Variants in ROBO1 observed in about 807,000 individuals in gnomAD.
The protein encoded by ROBO1 is roundabout homolog 1.
Under a neutral mutation model 195.9 loss-of-function variants are expected in ROBO1, and 149 were observed. That is an observed-to-expected ratio of 0.76 (90% CI 0.67 to 0.87). The LOEUF (loss-of-function observed/expected upper bound fraction) is 0.87. Ranked by LOEUF, ROBO1 falls within the 40% of genes least tolerant of loss-of-function variation. The pLI is 0.00. For synonymous variants in ROBO1, 816 were observed against 733.2 expected (o/e 1.11, Z -1.82); for missense variants, 1,933 against 2,068.3 (o/e 0.93, Z 1.27).
intron 3 of ROBO1, among the ~76,000 whole-genome samples, chr3:79,074,721 A>C (rs901699786): frequency 6.6e-6 from 1 of 151,626 alleles, no homozygotes; most frequent in Non-Finnish European, 1.5e-5. Context: ...GGGCCATTGC[A>C]CCTGGGAACA....
intron 4 of ROBO1, among the ~76,000 whole-genome samples, chr3:78,900,962 C>G (rs1282804725): frequency 6.6e-6 from 1 of 152,032 alleles, no homozygotes; most frequent in Non-Finnish European, 1.5e-5. Context: ...TCTCATCTGT[C>G]TCTTTCTCAT....
At chr3:79,074,592 T>C (rs1388694665) in intron 3 of ROBO1, among the ~76,000 whole-genome samples, 1 of 151,214 alleles carries the variant, frequency 6.6e-6, no homozygotes, top group Admixed American at 6.6e-5. Context: ...TCATTATTAT[T>C]ATTATTATTA....
intron 4 of ROBO1, among the ~76,000 whole-genome samples, chr3:78,921,844 T>A (rs1031639814): frequency 2.6e-5 from 4 of 151,798 alleles, no homozygotes; most frequent in Non-Finnish European, 4.4e-5. Context: ...TGGACTGCAG[T>A]GGCACGATCT....
intron 3 of ROBO1, among the ~76,000 whole-genome samples, chr3:79,000,516 T>C (rs538288593): frequency 6.6e-6 from 1 of 152,038 alleles, no homozygotes; most frequent in Non-Finnish European, 1.5e-5. Flanking sequence ...AATAAACATA[T>C]GAAAAAAAGC....
Position 78,626,481 on chromosome 3 carries a change from C to A in ROBO1, c.3875+840G>T, listed in dbSNP as rs114037530. ...CAAAAATCGCAGTTTGTTATTCATT[C>A]GAGAATATCAAAGGAACCTCTTCTG... On this transcript the variant is annotated intron_variant, in intron 26 of 30. Coordinates refer to ENST00000464233, the MANE Select transcript of ROBO1 (RefSeq NM_002941.4). Among the ~76,000 whole-genome samples, 925 of 152,004 alleles carry A rather than the reference C, an allele frequency of 6.1e-3. 7 individuals carry two copies. The highest frequency in any genetic ancestry group is 0.021 in the African/African-American group (870 of 41,456).
intron 2 of ROBO1, among the ~76,000 whole-genome samples, chr3:79,567,739 A>G (rs1385613391): frequency 6.6e-6 from 1 of 152,106 alleles, no homozygotes; most frequent in Non-Finnish European, 1.5e-5. Context: ...CTACTCTAAA[A>G]TACATTGAAA....
intron 2 of ROBO1, among the ~76,000 whole-genome samples, chr3:79,494,697 T>A (rs1031384545): frequency 6.6e-6 from 1 of 152,140 alleles, no homozygotes; most frequent in Non-Finnish European, 1.5e-5. Context: ...GGCATTAACA[T>A]AATTGGTTTC....
At chr3:78,684,511 C>A in intron 10 of ROBO1, among the ~76,000 whole-genome samples, 1 of 152,100 alleles carries the variant, frequency 6.6e-6, no homozygotes, top group East Asian at 1.9e-4. Context: ...TCACGGCATG[C>A]GTATTATACT....
At chr3:79,013,347 G>A (rs908208064) in intron 3 of ROBO1, among the ~76,000 whole-genome samples, 3 of 152,202 alleles carry the variant, frequency 2.0e-5, no homozygotes, top group Non-Finnish European at 4.4e-5. Flanking sequence ...ATCACATTCA[G>A]TCTCCTCTTT....
intron 3 of ROBO1, among the ~76,000 whole-genome samples, chr3:79,121,964 C>A (rs1453351668): frequency 6.6e-6 from 1 of 151,848 alleles, no homozygotes; most frequent in African/African-American, 2.4e-5. Context: ...AAGTTTTTGA[C>A]AGAAATCTAT....
chr3:79,480,265 T>C (rs576465143), intron 2 of ROBO1, among the ~76,000 whole-genome samples: 8 of 152,332 alleles, frequency 5.3e-5, no homozygotes, highest in South Asian at 2.1e-4. Context: ...GCACATTTTA[T>C]ATACACATTT....
At chr3:78,855,585 A>C (rs906531021) in intron 4 of ROBO1, among the ~76,000 whole-genome samples, 15 of 152,176 alleles carry the variant, frequency 9.9e-5, no homozygotes, top group Non-Finnish European at 2.2e-4. Context: ...TAAGAGTTAA[A>C]ATTTCTTAGA....
At chr3:79,465,762 T>C (rs1417852997) in intron 2 of ROBO1, among the ~76,000 whole-genome samples, 3 of 152,144 alleles carry the variant, frequency 2.0e-5, no homozygotes, top group Non-Finnish European at 4.4e-5. Context: ...TGTTTTTTCA[T>C]GTACGTAAAT....
chr3:79,575,513 T>TATATATAAATATATATAAC (rs1553767628), intron 2 of ROBO1, among the ~76,000 whole-genome samples: 48 of 116,902 alleles, frequency 4.1e-4, no homozygotes, highest in African/African-American at 1.3e-3. Context: ...ATATAACAAA[T>TATATATAAATATATATAAC]ATATATAAAT....
intron 3 of ROBO1, among the ~76,000 whole-genome samples, chr3:79,015,191 G>C (rs1174800402): frequency 6.6e-6 from 1 of 152,070 alleles, no homozygotes; most frequent in African/African-American, 2.4e-5. Flanking sequence ...CAGTATTCAA[G>C]TATGTACATT....
chr3:79,347,490 A>T (rs1467298282), intron 2 of ROBO1, among the ~76,000 whole-genome samples: 3 of 152,232 alleles, frequency 2.0e-5, no homozygotes, highest in Non-Finnish European at 4.4e-5. Context: ...TGACATGATA[A>T]GTGAATAAAT....
intron 4 of ROBO1, among the ~76,000 whole-genome samples, chr3:78,880,772 T>G (rs887850414): frequency 6.6e-6 from 1 of 152,152 alleles, no homozygotes; most frequent in East Asian, 1.9e-4. Flanking sequence ...AGAGCAGCTA[T>G]TTATGTCACA....
intron 3 of ROBO1, among the ~76,000 whole-genome samples, chr3:79,067,918 A>C (rs967934617): frequency 6.6e-6 from 1 of 151,884 alleles, no homozygotes; most frequent in Non-Finnish European, 1.5e-5. Flanking sequence ...GGCTGCTGGC[A>C]GGCCTTGATT....
chr3:78,808,690 C>T (rs1033014646), intron 4 of ROBO1, among the ~76,000 whole-genome samples: 7 of 152,156 alleles, frequency 4.6e-5, no homozygotes, highest in African/African-American at 1.7e-4. Flanking sequence ...AGAAATAACA[C>T]CACGCATCTA....
Sources: allele counts gnomAD v4.1 joint callset (sites outside exome capture counted in the v4.1 genomes callset), GRCh38; gene constraint gnomAD v4.1.1; transcripts MANE v1.5; gene names NCBI Gene and HGNC (gene_info 2026-07-23, HGNC 2026-07-21).